The following USP13 variants were observed in gnomAD, a reference collection of about 807,000 sequenced individuals.
USP13 encodes the protein ubiquitin specific peptidase 13.
USP13 carries 68 observed loss-of-function variants against 107.8 expected under a neutral mutation model. That is an observed-to-expected ratio of 0.63 (90% CI 0.52 to 0.77). USP13 has a LOEUF of 0.77. USP13 is among the 30% of genes least tolerant of loss of function. The pLI is 0.00. For synonymous variants in USP13, 377 were observed against 389.5 expected, an observed-to-expected ratio of 0.97 and a Z score of 0.38; for missense variants, 945 against 1,093.3, an observed-to-expected ratio of 0.86 and a Z score of 1.91.
chr3:179,656,124 C>G (rs1170766652), intron 1 of USP13, among the ~76,000 whole-genome samples: 6 of 152,156 alleles, frequency 3.9e-5, no homozygotes, highest in Admixed American at 3.3e-4. Flanking sequence ...TAAGGGAGAT[C>G]AACATTCAAG....
chr3:179,690,537 G>C (rs1402750528), intron 3 of USP13, among the ~76,000 whole-genome samples: 6 of 152,142 alleles, frequency 3.9e-5, no homozygotes, highest in Non-Finnish European at 8.8e-5. Flanking sequence ...TGACTTGAGA[G>C]TAATTATAAT....
Position 179,761,126 on chromosome 3 carries a change from G to A in USP13, c.1963G>A (p.Glu655Lys). 1 of 1,614,178 alleles carries A rather than the reference G, an allele frequency of 6.2e-7. No individual in the cohort carries two copies. The highest frequency in any genetic ancestry group is 1.3e-5 in the African/African-American group (1 of 75,062). ...NQLIDPSDIDESSVMQLAEMG... is the reference protein window; with the variant it reads ...NQLIDPSDIDKSSVMQLAEMG... ...GTGCTCTGTAGCATCAGACATCGAT[G>A]AGTCATCAGTGATGCAGCTGGCCGA... The change falls in exon 17 of 21, where the codon GAG (glutamate) becomes AAG (lysine). Residue 655 changes from glutamate (E) to lysine (K), a missense_variant. Coordinates refer to ENST00000263966, the MANE Select transcript of USP13 (RefSeq NM_003940.3).
chr3:179,681,438 G>T (rs4855106), intron 1 of USP13, among the ~76,000 whole-genome samples: 32,121 of 152,076 alleles, frequency 0.21, 3,491 homozygotes, highest in East Asian at 0.24. Context: ...AGTTAAAAAA[G>T]TAATTGGTTA....
chr3:179,696,101 T>C (rs1712314412), intron 3 of USP13, among the ~76,000 whole-genome samples: 1 of 152,102 alleles, frequency 6.6e-6, no homozygotes. Flanking sequence ...CATGTGAAAA[T>C]CAATGTGAAA....
rs1016743443 is a variant in USP13, at chr3:179,788,221, G to T, written c.*4080G>T. 6.6e-6 allele frequency: 1 copy of T among 152,372 alleles called. No homozygotes were observed. The highest frequency in any genetic ancestry group is 1.5e-5 in the Non-Finnish European group (1 of 68,082). 9.4% of individuals were successfully genotyped at this position (152,372 alleles called of 1,614,324 possible). Reference sequence around the variant, plus strand: ...TGCCTTCTGTGGGGAGATGGCAGGGGGCAGGGGCAGGACCAGGGGATGGGA... The same window carrying T: ...TGCCTTCTGTGGGGAGATGGCAGGGTGCAGGGGCAGGACCAGGGGATGGGA... On this transcript the variant is annotated 3_prime_UTR_variant, in exon 21 of 21. Transcript: ENST00000263966.
At chr3:179,655,844 C>T (rs1720243790) in intron 1 of USP13, among the ~76,000 whole-genome samples, 1 of 152,282 alleles carries the variant, frequency 6.6e-6, no homozygotes, top group East Asian at 1.9e-4. Context: ...TGAGCCACTG[C>T]ACCCAGCCAG....
intron 1 of USP13, among the ~76,000 whole-genome samples, chr3:179,679,368 ATAT>A (rs1476640516): frequency 6.6e-6 from 1 of 152,146 alleles, no homozygotes; most frequent in Admixed American, 6.5e-5. Flanking sequence ...GTTTGTTTTG[ATAT>A]TGTACTTTGT....
intron 3 of USP13, among the ~76,000 whole-genome samples, chr3:179,697,640 C>T (rs1315759337): frequency 6.6e-6 from 1 of 151,980 alleles, no homozygotes; most frequent in East Asian, 1.9e-4. Flanking sequence ...TTGGGGGTCC[C>T]TAGGGTATGA....
At chr3:179,734,141 A>G (rs1437721118) in intron 10 of USP13, among the ~76,000 whole-genome samples, 2 of 152,216 alleles carry the variant, frequency 1.3e-5, no homozygotes, top group African/African-American at 2.4e-5. Context: ...TTAATCTGCT[A>G]TAAACCAAGG....
At chr3:179,739,486 G>C (rs1714111431) in intron 10 of USP13, among the ~76,000 whole-genome samples, 1 of 152,178 alleles carries the variant, frequency 6.6e-6, no homozygotes, top group African/African-American at 2.4e-5. Context: ...TCTTCAGGAG[G>C]GGTCCTCTCC....
chr3:179,690,181 C>T (rs543441175), intron 2 of USP13, 60 bp from the exon 3 acceptor site: 7 of 1,512,682 alleles, frequency 4.6e-6, no homozygotes, highest in South Asian at 3.5e-5. Flanking sequence ...ATGTGCTTTT[C>T]CCTCACAAAG....
Position 179,757,048 on chromosome 3 carries a change from C to T in USP13, c.1922-4C>T. 4 of 1,614,002 alleles carry T rather than the reference C, an allele frequency of 2.5e-6. No individual in the cohort carries two copies. The highest frequency in any genetic ancestry group is 2.2e-5 in the East Asian group (1 of 44,884). The stretch of plus-strand genomic sequence containing the variant: ...CATTTTCTGTCCTCTCCCTTAATTT[C>T]CAGATCGCCTGATGAACCAATTGAT... On this transcript the variant is annotated splice_region_variant and splice_polypyrimidine_tract_variant and intron_variant, in intron 15 of 20. Transcript: ENST00000263966.
At chr3:179,780,863 T>C (rs927262483) in intron 19 of USP13, among the ~76,000 whole-genome samples, 2 of 152,214 alleles carry the variant, frequency 1.3e-5, no homozygotes, top group Non-Finnish European at 2.9e-5. Context: ...GCAAAATCAA[T>C]ATGCAAGCCC....
At chr3:179,667,498 G>A (rs1392754486) in intron 1 of USP13, among the ~76,000 whole-genome samples, 1 of 152,196 alleles carries the variant, frequency 6.6e-6, no homozygotes, top group African/African-American at 2.4e-5. Flanking sequence ...AACTGCTGCA[G>A]GTGCTCAGTT....
At chr3:179,774,002 T>TA (rs1044768250) in intron 19 of USP13, among the ~76,000 whole-genome samples, 1 of 152,074 alleles carries the variant, frequency 6.6e-6, no homozygotes, top group Non-Finnish European at 1.5e-5. Context: ...CTAATTTATA[T>TA]AAAAAAAGGA....
intron 6 of USP13, among the ~76,000 whole-genome samples, chr3:179,709,985 T>G (rs1490916485): frequency 2.0e-5 from 3 of 152,036 alleles, no homozygotes; most frequent in Non-Finnish European, 4.4e-5. Flanking sequence ...ACCGGTGTAG[T>G]TTTTCATTTG....
At chr3:179,689,039 C>T (rs1711997687) in intron 2 of USP13, among the ~76,000 whole-genome samples, 1 of 152,154 alleles carries the variant, frequency 6.6e-6, no homozygotes, top group Non-Finnish European at 1.5e-5. Context: ...ATGAGTCAGC[C>T]TTCAAAGTCA....
chr3:179,745,223 T>C lies in USP13; in HGVS notation c.1709+6T>C, dbSNP rs1383255219. The C allele has an allele frequency of 6.2e-7, 1 of 1,607,526 alleles. No homozygotes were observed. Among genetic ancestry groups the C allele is most frequent in the Non-Finnish European group, 8.5e-7 (1 of 1,178,552 alleles). ...GCAAAGTCTGCGGGTGTGAAGTAAG[T>C]GTGTGTATATGTGGTGGCAGTGGGG... is the stretch of plus-strand genomic sequence containing the variant. On this transcript the variant is annotated splice_donor_region_variant and intron_variant, in intron 13 of 20. Coordinates refer to ENST00000263966, the MANE Select transcript of USP13 (RefSeq NM_003940.3).
chr3:179,674,283 G>T (rs1358173935), intron 1 of USP13, among the ~76,000 whole-genome samples: 3 of 152,170 alleles, frequency 2.0e-5, no homozygotes, highest in African/African-American at 7.2e-5. Context: ...GACCAGTTTG[G>T]GTTTTGTGGA....
Sources: gnomAD v4.1 joint callset for allele counts (sites outside exome capture counted in the v4.1 genomes callset) on GRCh38, gnomAD v4.1.1 for gene constraint, MANE v1.5 for transcripts, NCBI Gene and HGNC (gene_info 2026-07-23, HGNC 2026-07-21) for gene names.